Variants in ACSM6 observed in about 807,000 individuals in gnomAD.
ACSM6 encodes acyl-coenzyme A synthetase ACSM6, mitochondrial.
In ACSM6, 35 loss-of-function variants were observed where a neutral mutation model predicts 51.1. That is an observed-to-expected ratio of 0.69 (90% confidence interval 0.52 to 0.91). The LOEUF is 0.91. Ranked by LOEUF, ACSM6 falls within the 40% of genes least tolerant of loss-of-function variation. ACSM6 has a pLI of 0.00. For synonymous variants in ACSM6, 172 were observed against 207.3 expected (o/e 0.83, Z 1.46); for missense variants, 509 against 584.1 (o/e 0.87, Z 1.32).
At chr10:95,212,624 C>T (rs927968688) in intron 6 of ACSM6, among the ~76,000 whole-genome samples, 2 of 152,142 alleles carry the variant, frequency 1.3e-5, no homozygotes, top group African/African-American at 4.8e-5. Flanking sequence ...TGTATGCATT[C>T]GGTTATCAGT....
intron 10 of ACSM6, among the ~76,000 whole-genome samples, chr10:95,227,075 C>T (rs1336189873): frequency 6.6e-6 from 1 of 151,728 alleles, no homozygotes; most frequent in Non-Finnish European, 1.5e-5. Context: ...CAACCTCCAC[C>T]TCCCGGGTTC....
At chr10:95,203,753 G>A (rs1485783212) in intron 3 of ACSM6, among the ~76,000 whole-genome samples, 1 of 151,276 alleles carries the variant, frequency 6.6e-6, no homozygotes, top group African/African-American at 2.4e-5. Flanking sequence ...TTTGGTAGTT[G>A]GAAGGTGCGT....
chr10:95,194,490 T>G lies in ACSM6; in HGVS notation c.5T>G (p.Leu2Arg), dbSNP rs547739620. The change falls in exon 2 of 11, where the codon CTA becomes CGA. Residue 2 changes from leucine to arginine, a missense_variant. Transcript: ENST00000341686. ...GTGGTTCCCTGTCTGACCCAAATGC[T>G]AGGCCGATTTCAACCCTTCTCCTTG... 7.4e-5 allele frequency: 115 copies of G among 1,551,662 alleles called. 1 individual carries two copies. The South Asian group carries it at 1.3e-3, about 17-fold the overall frequency.
chr10:95,209,070 A>G (rs2133380312), intron 4 of ACSM6, among the ~76,000 whole-genome samples: 1 of 152,290 alleles, frequency 6.6e-6, no homozygotes, highest in Admixed American at 6.5e-5. Context: ...TTCCAAAAGA[A>G]ACTCCAAAAC....
intron 9 of ACSM6, among the ~76,000 whole-genome samples, chr10:95,222,219 C>A (rs969529096): frequency 2.0e-5 from 3 of 151,894 alleles, no homozygotes; most frequent in Non-Finnish European, 4.4e-5. Flanking sequence ...TAAAGATTAA[C>A]CAAAAAAATT....
chr10:95,225,859 T>C (rs1229565924), intron 10 of ACSM6: 3 of 152,592 alleles, frequency 2.0e-5, no homozygotes, highest in Admixed American at 1.3e-4. Context: ...CATATCTCTT[T>C]AGTTGTTTTT....
At chr10:95,197,774 C>G (rs1025945556) in intron 2 of ACSM6, among the ~76,000 whole-genome samples, 1 of 151,128 alleles carries the variant, frequency 6.6e-6, no homozygotes, top group Non-Finnish European at 1.5e-5. Context: ...AGACCCTTTA[C>G]GGGTGTCGGG....
intron 2 of ACSM6, among the ~76,000 whole-genome samples, chr10:95,198,334 G>A (rs114882065): frequency 3.3e-5 from 5 of 152,204 alleles, no homozygotes; most frequent in East Asian, 1.9e-4. Flanking sequence ...TACTTGGGTC[G>A]CACAAAGATA....
intron 4 of ACSM6, among the ~76,000 whole-genome samples, chr10:95,207,878 T>C (rs2034858626): frequency 6.6e-6 from 1 of 152,170 alleles, no homozygotes; most frequent in Non-Finnish European, 1.5e-5. Context: ...GGGAGGCTCA[T>C]GCCTGTAATC....
chr10:95,219,843 A>G (rs777678335), intron 8 of ACSM6, 48 bp from the exon 9 acceptor site: 1 of 1,401,548 alleles, frequency 7.1e-7, no homozygotes, highest in Middle Eastern at 1.8e-4. Flanking sequence ...TAGATCCATT[A>G]ATTTATTGCT....
intron 10 of ACSM6, 139 bp from the exon 11 acceptor site, chr10:95,228,505 T>A: frequency 1.3e-6 from 1 of 773,258 alleles, no homozygotes; most frequent in Non-Finnish European, 1.8e-6. Context: ...GAGTTTTCTA[T>A]GTGAGATCCC....
At chr10:95,199,366 A>C (rs1335227963) in intron 2 of ACSM6, among the ~76,000 whole-genome samples, 37 of 152,242 alleles carry the variant, frequency 2.4e-4, no homozygotes, top group Non-Finnish European at 1.5e-5. Context: ...TGGATTAAAG[A>C]CTTAAATGTT....
rs1032399479 is a variant in ACSM6, at chr10:95,225,272, G to A, written c.1201-18G>A. ...GTGGTTTGTAAGGAAAATTCCTTTA[G>A]TGATTATCTAATTTCAGATTGTGGA... On this transcript the variant is annotated intron_variant, in intron 9 of 10. Transcript: ENST00000341686. The A allele has an allele frequency of 6.6e-7, 1 of 1,514,752 alleles. No individual in the cohort carries two copies. The highest frequency in any genetic ancestry group is 9.0e-7 in the Non-Finnish European group (1 of 1,113,508). 93.8% of individuals were successfully genotyped at this position (1,514,752 alleles called of 1,614,324 possible).
chr10:95,218,051 G>T (rs1432476446), intron 8 of ACSM6, among the ~76,000 whole-genome samples: 1 of 152,230 alleles, frequency 6.6e-6, no homozygotes, highest in Non-Finnish European at 1.5e-5. Flanking sequence ...ATCTCAGGTT[G>T]TGAATGATTC....
intron 2 of ACSM6, among the ~76,000 whole-genome samples, chr10:95,197,986 G>A (rs1048064946): frequency 7.2e-5 from 11 of 152,180 alleles, no homozygotes; most frequent in Non-Finnish European, 1.5e-5. Context: ...TGTTAACAAG[G>A]CACGTCCTGC....
chr10:95,212,937 C>T (rs1233015887), exon 7 of ACSM6: 2 of 1,606,632 alleles, frequency 1.2e-6, no homozygotes, highest in Admixed American at 3.3e-5. Flanking sequence ...AAGTGTTTCA[C>T]CAGGTAAGAG....
intron 9 of ACSM6, among the ~76,000 whole-genome samples, chr10:95,223,112 T>C (rs186439456): frequency 6.6e-6 from 1 of 151,794 alleles, no homozygotes; most frequent in Non-Finnish European, 1.5e-5. Context: ...TCAAATGAAG[T>C]ATAACTTCAT....
chr10:95,213,177 T>TA (rs2034912086), intron 7 of ACSM6, among the ~76,000 whole-genome samples: 2 of 152,152 alleles, frequency 1.3e-5, no homozygotes, highest in Non-Finnish European at 2.9e-5. Flanking sequence ...TTGAGTTTGT[T>TA]AAAAAATTTA....
chr10:95,213,994 C>T, intron 7 of ACSM6, among the ~76,000 whole-genome samples: 1 of 152,172 alleles, frequency 6.6e-6, no homozygotes, highest in South Asian at 2.1e-4. Context: ...CATTCCATCT[C>T]ATATAAAATG....
Sources: gnomAD v4.1 joint callset for allele counts (sites outside exome capture counted in the v4.1 genomes callset) on GRCh38, gnomAD v4.1.1 for gene constraint, MANE v1.5 for transcripts, NCBI Gene and HGNC (gene_info 2026-07-23, HGNC 2026-07-21) for gene names.